Variants in ANKRD62 observed in about 807,000 individuals in gnomAD.
ANKRD62 encodes ankyrin repeat domain-containing protein 62.
Under a neutral mutation model 98.8 loss-of-function variants are expected in ANKRD62, and 61 were observed. The ratio of observed to expected loss-of-function variants is 0.62; its 90% CI spans 0.50 to 0.76. ANKRD62 has a LOEUF of 0.76. Ranked by LOEUF, ANKRD62 falls within the 30% of genes least tolerant of loss-of-function variation. The pLI, the probability that ANKRD62 is intolerant of heterozygous loss-of-function variation, is 0.00. For missense variants in ANKRD62, 933 were observed against 1,082.9 expected (o/e 0.86, Z 1.94); for synonymous variants, 341 against 367.9 (o/e 0.93, Z 0.84).
the ANKRD62 span, among the ~76,000 whole-genome samples, chr18:12,138,059 G>A: frequency 6.6e-6 from 1 of 152,074 alleles, no homozygotes; most frequent in East Asian, 1.9e-4. Flanking sequence ...GTTCTGCTCT[G>A]ATCTTAGTTA....
intron 7 of ANKRD62, among the ~76,000 whole-genome samples, chr18:12,104,855 G>A (rs929367532): frequency 6.6e-6 from 1 of 152,090 alleles, no homozygotes; most frequent in Non-Finnish European, 1.5e-5. Flanking sequence ...GAATTTGCTT[G>A]CCAGTCATCT....
At chr18:12,136,683 A>G in the ANKRD62 span, among the ~76,000 whole-genome samples, 1 of 152,186 alleles carries the variant, frequency 6.6e-6, no homozygotes. Flanking sequence ...TCAGCATGGA[A>G]TGTTCTTCCA....
chr18:12,099,363 A>G (rs1909250487), intron 5 of ANKRD62, among the ~76,000 whole-genome samples: 2 of 152,226 alleles, frequency 1.3e-5, no homozygotes, highest in South Asian at 4.1e-4. Flanking sequence ...CATTGGTCCT[A>G]TTATGAGTCA....
At chr18:12,139,629 G>T in the ANKRD62 span, among the ~76,000 whole-genome samples, 1 of 151,890 alleles carries the variant, frequency 6.6e-6, no homozygotes, top group South Asian at 2.1e-4. Context: ...CTGGGCAACA[G>T]AGTAAGACTC....
At chr18:12,127,399 T>G (rs1307796157) in intron 13 of ANKRD62, among the ~76,000 whole-genome samples, 2 of 152,232 alleles carry the variant, frequency 1.3e-5, no homozygotes, top group Non-Finnish European at 2.9e-5. Flanking sequence ...GATTTGAGCT[T>G]CTTCTTATAA....
the ANKRD62 span, among the ~76,000 whole-genome samples, chr18:12,164,057 T>G: frequency 3.9e-5 from 6 of 152,022 alleles, no homozygotes; most frequent in Non-Finnish European, 2.9e-5. Context: ...TCCTCTATTA[T>G]TTGAAGTGGT....
At chr18:12,133,010 CT>C (rs963623345), downstream of ANKRD62, among the ~76,000 whole-genome samples, 2 of 152,076 alleles carry the variant, frequency 1.3e-5, no homozygotes, top group Admixed American at 1.3e-4. Context: ...ACAATCACTA[CT>C]ATCCATTTCT....
the ANKRD62 span, among the ~76,000 whole-genome samples, chr18:12,152,781 C>G: frequency 6.6e-6 from 1 of 152,164 alleles, no homozygotes; most frequent in Admixed American, 6.5e-5. Context: ...GAGAGGAAGC[C>G]AAACTATCCC....
chr18:12,178,014 G>C, the ANKRD62 span, among the ~76,000 whole-genome samples: 1 of 103,808 alleles, frequency 9.6e-6, no homozygotes, highest in Non-Finnish European at 1.9e-5. Flanking sequence ...TCATTGCACT[G>C]TGAGACAGAG....
chr18:12,172,694 C>G, the ANKRD62 span, among the ~76,000 whole-genome samples: 115 of 152,348 alleles, frequency 7.5e-4, no homozygotes, highest in Admixed American at 3.3e-3. Context: ...CAGCTATGCT[C>G]TGTCCCCAGA....
the ANKRD62 span, among the ~76,000 whole-genome samples, chr18:12,167,615 T>C: frequency 6.6e-6 from 1 of 152,222 alleles, no homozygotes; most frequent in East Asian, 1.9e-4. Flanking sequence ...TGTGTCTTTA[T>C]AGGAACATGA....
rs752189688 is a variant in ANKRD62 at position 12,107,399 on chromosome 18, T to G, written c.996T>G (p.Ile332Met). Residue 332 changes from isoleucine to methionine, a missense_variant, in exon 8 of 14, where the codon ATT becomes ATG. Ile to Met is a conservative substitution (Grantham distance 10, BLOSUM62 1). Transcript: ENST00000587848. Reference protein sequence around the residue: ...DNYNDDVDELIHKIKNRKPDN... With the variant: ...DNYNDDVDELMHKIKNRKPDN... ...ATAATGATGATGTTGATGAATTAAT[T>G]CACAAAATAAAGAACAGAAAACCTG... The G allele has an allele frequency of 6.6e-7, 1 of 1,526,254 alleles. No individual in the cohort carries two copies. The highest frequency in any genetic ancestry group is 1.2e-5 in the South Asian group (1 of 82,210). 94.5% of individuals were successfully genotyped at this position (1,526,254 alleles called of 1,614,324 possible).
chr18:12,125,582 T>C lies in ANKRD62; in HGVS notation c.1761T>C (p.Asn587=). Residue 587 remains asparagine (N), a synonymous_variant, in exon 13 of 14, where the codon AAT becomes AAC. Coordinates refer to ENST00000587848, the MANE Select transcript of ANKRD62 (RefSeq NM_001277333.2). Reference sequence around the variant, plus strand: ...AACATCAGAACCAGGAAACTGAAAATAAATATTTCAAAGATATTGAAATTA... The same window carrying C: ...AACATCAGAACCAGGAAACTGAAAACAAATATTTCAAAGATATTGAAATTA... The part of the protein sequence containing the change: ...TIKHQNQETE[N]KYFKDIEIIK... 2 of 1,527,928 alleles carry C rather than the reference T, an allele frequency of 1.3e-6. No individual in the cohort carries two copies. The highest frequency in any genetic ancestry group is 8.7e-7 in the Non-Finnish European group (1 of 1,144,414). 94.6% of individuals were successfully genotyped at this position (1,527,928 alleles called of 1,614,324 possible).
the ANKRD62 span, among the ~76,000 whole-genome samples, chr18:12,176,164 C>G: frequency 6.6e-6 from 1 of 151,760 alleles, no homozygotes; most frequent in African/African-American, 2.4e-5. Context: ...TGCACTCTAG[C>G]CTGGGTGACA....
chr18:12,145,377 A>G, the ANKRD62 span, among the ~76,000 whole-genome samples: 1 of 152,208 alleles, frequency 6.6e-6, no homozygotes, highest in East Asian at 1.9e-4. Context: ...TCCTTCTGGT[A>G]TGTTCAGAAA....
the ANKRD62 span, among the ~76,000 whole-genome samples, chr18:12,158,627 G>A: frequency 7.9e-5 from 12 of 151,542 alleles, no homozygotes; most frequent in East Asian, 1.9e-3. Context: ...CCGGGTTCAC[G>A]CCATTCTCCT....
the ANKRD62 span, among the ~76,000 whole-genome samples, chr18:12,134,878 G>A: frequency 3.3e-5 from 5 of 152,168 alleles, no homozygotes; most frequent in Admixed American, 3.3e-4. Context: ...AATCCTTTGG[G>A]TATATACCCA....
chr18:12,095,180 A>G lies in ANKRD62; in HGVS notation c.228A>G (p.Leu76=), dbSNP rs1009874228. The change falls in exon 2 of 14, where the codon CTA becomes CTG. Residue 76 remains leucine, a synonymous_variant. Transcript: ENST00000587848. The part of the protein sequence containing the change: ...NDRDKKNRTA[L]LLACAHGRPG... ...CCTCTCATTCTCACAGGACTGCTCT[A>G]CTTTTGGCGTGTGCCCATGGCCGTC... 2.0e-6 allele frequency: 3 copies of G among 1,536,478 alleles called. No homozygotes were observed. Among genetic ancestry groups the G allele is most frequent in the East Asian group, 2.4e-5 (1 of 40,914 alleles).
At chr18:12,111,248 CAAAAA>C (rs35918523) in intron 8 of ANKRD62, among the ~76,000 whole-genome samples, 1 of 124,748 alleles carries the variant, frequency 8.0e-6, no homozygotes. Context: ...GACTGCCTCT[CAAAAA>C]AAAAAAAAAG....
Sources: gnomAD v4.1 joint callset for allele counts (sites outside exome capture counted in the v4.1 genomes callset) on GRCh38, gnomAD v4.1.1 for gene constraint, MANE v1.5 for transcripts, NCBI Gene and HGNC (gene_info 2026-07-23, HGNC 2026-07-21) for gene names.